The following SEMA6D variants were observed in gnomAD, a reference collection of about 807,000 sequenced individuals.
SEMA6D encodes the protein semaphorin 6D, also known as semaphorin-6D.
A neutral mutation model predicts 106.6 loss-of-function variants in SEMA6D; 35 were observed. The ratio of observed to expected loss-of-function variants is 0.33; its 90% CI spans 0.25 to 0.44. The LOEUF (loss-of-function observed/expected upper bound fraction) is 0.44, where lower values mean the gene tolerates loss of function less well. Ranked by LOEUF, SEMA6D falls within the 20% of genes least tolerant of loss-of-function variation. The pLI, the probability that SEMA6D is intolerant of heterozygous loss-of-function variation, is 1.00. For missense variants in SEMA6D, 1,185 were observed against 1,345.9 expected (o/e 0.88, Z 1.87); for synonymous variants, 499 against 487.7 (o/e 1.02, Z -0.31).
intron 1 of SEMA6D, among the ~76,000 whole-genome samples, chr15:47,220,750 C>T (rs1028324567): frequency 1.3e-5 from 2 of 152,176 alleles, no homozygotes; most frequent in Non-Finnish European, 2.9e-5. Flanking sequence ...TGCAAACTAG[C>T]GTGCTATCCT....
At chr15:47,695,488 G>A (rs951253420) in intron 4 of SEMA6D, among the ~76,000 whole-genome samples, 12 of 151,894 alleles carry the variant, frequency 7.9e-5, no homozygotes, top group Non-Finnish European at 1.6e-4. Flanking sequence ...ATAGGAAAGA[G>A]GGAAATGTTA....
chr15:47,627,171 A>G (rs572061319), intron 4 of SEMA6D, among the ~76,000 whole-genome samples: 1 of 152,256 alleles, frequency 6.6e-6, no homozygotes, highest in African/African-American at 2.4e-5. Flanking sequence ...ACCTGGTAAT[A>G]TGATTGAAGT....
At chr15:47,393,726 C>CA (rs3215084) in intron 1 of SEMA6D, among the ~76,000 whole-genome samples, 17,754 of 152,194 alleles carry the variant, frequency 0.12, 2,437 homozygotes, top group African/African-American at 0.34. Flanking sequence ...GTCAAATTCT[C>CA]ATGCAGAAGG....
At chr15:47,413,450 C>T (rs2040864560) in intron 2 of SEMA6D, among the ~76,000 whole-genome samples, 1 of 152,036 alleles carries the variant, frequency 6.6e-6, no homozygotes, top group South Asian at 2.1e-4. Context: ...ATTCAGTTCT[C>T]TGAGAGCTAC....
chr15:47,340,581 A>G (rs2037775766), intron 1 of SEMA6D, among the ~76,000 whole-genome samples: 1 of 152,182 alleles, frequency 6.6e-6, no homozygotes, highest in African/African-American at 2.4e-5. Context: ...CATTCTTTCT[A>G]GAAAATATTA....
intron 1 of SEMA6D, among the ~76,000 whole-genome samples, chr15:47,361,412 A>C (rs1228905555): frequency 1.3e-5 from 2 of 152,192 alleles, no homozygotes; most frequent in African/African-American, 4.8e-5. Flanking sequence ...AGAAATTAGG[A>C]GTTCTGGATA....
At chr15:47,510,198 A>G (rs59647141) in intron 3 of SEMA6D, among the ~76,000 whole-genome samples, 15,356 of 152,114 alleles carry the variant, frequency 0.1, 1,088 homozygotes, top group East Asian at 0.33. Context: ...GCTTCTGTCA[A>G]TCAGCTGTGT....
chr15:47,619,380 A>T (rs1042499482), intron 4 of SEMA6D, among the ~76,000 whole-genome samples: 1 of 152,182 alleles, frequency 6.6e-6, no homozygotes, highest in African/African-American at 2.4e-5. Context: ...AGTGGAATGG[A>T]TGGTGGCATT....
At chr15:47,318,078 C>T (rs571334577) in intron 1 of SEMA6D, among the ~76,000 whole-genome samples, 2 of 143,582 alleles carry the variant, frequency 1.4e-5, no homozygotes, top group South Asian at 4.4e-4. Flanking sequence ...TATTTACTTC[C>T]CGATTGGCCT....
chr15:47,245,478 T>C (rs1330853732), intron 1 of SEMA6D, among the ~76,000 whole-genome samples: 1 of 152,084 alleles, frequency 6.6e-6, no homozygotes, highest in Non-Finnish European at 1.5e-5. Flanking sequence ...GAGGAAGAAA[T>C]AGGTGTTGTC....
chr15:47,605,238 C>G (rs1374056299), intron 4 of SEMA6D: 1 of 152,060 alleles, frequency 6.6e-6, no homozygotes, highest in African/African-American at 2.4e-5. Context: ...TTAGCAGAGC[C>G]CTCTGCTTCT....
At chr15:47,320,041 C>G (rs1412664163) in intron 1 of SEMA6D, among the ~76,000 whole-genome samples, 1 of 152,094 alleles carries the variant, frequency 6.6e-6, no homozygotes, top group African/African-American at 2.4e-5. Context: ...GTCCTGTGCC[C>G]TCCTCTCTCT....
chr15:47,764,402 C>G (rs1597069211), intron 11 of SEMA6D, 97 bp downstream of exon 11: 11 of 1,424,618 alleles, frequency 7.7e-6, no homozygotes, highest in Non-Finnish European at 9.5e-6. Context: ...ACCTCCCACA[C>G]CAGGAAGGGG....
chr15:47,676,919 G>T (rs888540249), intron 4 of SEMA6D, among the ~76,000 whole-genome samples: 1 of 145,058 alleles, frequency 6.9e-6, no homozygotes. Flanking sequence ...GAGGAAGACA[G>T]TTTTTTCATG....
At chr15:47,276,729 A>G (rs1298074635) in intron 1 of SEMA6D, among the ~76,000 whole-genome samples, 5 of 152,166 alleles carry the variant, frequency 3.3e-5, no homozygotes, top group Non-Finnish European at 7.4e-5. Context: ...TGCTAACAAA[A>G]CATTCATTCT....
At chr15:47,435,469 C>A (rs1434560195) in intron 2 of SEMA6D, among the ~76,000 whole-genome samples, 4 of 152,082 alleles carry the variant, frequency 2.6e-5, no homozygotes, top group Non-Finnish European at 5.9e-5. Context: ...ATAAGAAACA[C>A]TGACTTGCAC....
chr15:47,434,855 T>C (rs1055573658), intron 2 of SEMA6D, among the ~76,000 whole-genome samples: 2 of 152,054 alleles, frequency 1.3e-5, no homozygotes, highest in Non-Finnish European at 2.9e-5. Flanking sequence ...TTGTAAGAAA[T>C]ATGCCAGATG....
At chr15:47,511,522 T>C (rs1418900010) in intron 3 of SEMA6D, among the ~76,000 whole-genome samples, 1 of 152,108 alleles carries the variant, frequency 6.6e-6, no homozygotes, top group Non-Finnish European at 1.5e-5. Flanking sequence ...ACCCCCCTCC[T>C]GCCACATGTG....
intron 3 of SEMA6D, among the ~76,000 whole-genome samples, chr15:47,552,690 T>G (rs2045741740): frequency 7.0e-6 from 1 of 142,280 alleles, no homozygotes; most frequent in Non-Finnish European, 1.5e-5. Flanking sequence ...AGTAAAGATT[T>G]TGAGCATGAG....
Sources: allele counts gnomAD v4.1 joint callset (sites outside exome capture counted in the v4.1 genomes callset), GRCh38; gene constraint gnomAD v4.1.1; transcripts MANE v1.5; gene names NCBI Gene and HGNC (gene_info 2026-07-23, HGNC 2026-07-21).